Variants in DNM3 observed in about 807,000 individuals in gnomAD.
DNM3 encodes dynamin 3.
DNM3 carries 47 observed loss-of-function variants against 101.6 expected under a neutral mutation model. That is an observed-to-expected ratio of 0.46 (90% confidence interval 0.37 to 0.59). DNM3 has a LOEUF of 0.59. DNM3 is among the 20% of genes least tolerant of loss of function. The probability of loss-of-function intolerance (pLI) is 0.00; values close to 1 mark genes in which losing one functional copy is unlikely to be tolerated. For missense variants in DNM3, 849 were observed against 1,085.7 expected (o/e 0.78, Z 3.06); for synonymous variants, 385 against 387.9 (o/e 0.99, Z 0.09).
chr1:172,111,965 G>A (rs1050149239), intron 13 of DNM3, among the ~76,000 whole-genome samples: 1 of 152,134 alleles, frequency 6.6e-6, no homozygotes, highest in Non-Finnish European at 1.5e-5. Context: ...TGGAAGGATT[G>A]CCCAGAAACT....
intron 13 of DNM3, among the ~76,000 whole-genome samples, chr1:172,115,586 C>T (rs1439106141): frequency 1.3e-5 from 2 of 152,200 alleles, no homozygotes; most frequent in Non-Finnish European, 2.9e-5. Context: ...GGCTCCTCCC[C>T]CTCTCGCTCA....
intron 3 of DNM3, 79 bp downstream of exon 3, chr1:171,987,884 A>G (rs1371293612): frequency 1.5e-6 from 2 of 1,337,364 alleles, no homozygotes; most frequent in Non-Finnish European, 2.0e-6. Flanking sequence ...ATTTGTACAG[A>G]AGATACAAAT....
chr1:172,239,406 C>G (rs61807806), intron 14 of DNM3, among the ~76,000 whole-genome samples: 11,634 of 152,212 alleles, frequency 0.076, 569 homozygotes, highest in South Asian at 0.17. Context: ...TCCGAAGTCC[C>G]TGAATACACG....
intron 12 of DNM3, among the ~76,000 whole-genome samples, chr1:172,091,214 A>G (rs1289670917): frequency 1.3e-5 from 2 of 152,226 alleles, no homozygotes; most frequent in Non-Finnish European, 2.9e-5. Flanking sequence ...ACCATGTGCC[A>G]TGTCCTTTGC....
At chr1:172,251,357 A>G (rs1027760094) in intron 14 of DNM3, among the ~76,000 whole-genome samples, 3 of 17,480 alleles carry the variant, frequency 1.7e-4, no homozygotes, top group Non-Finnish European at 6.2e-4. Flanking sequence ...AGAAATATCC[A>G]TGATATACTT....
At chr1:172,162,500 TAGAA>T (rs761250670) in intron 14 of DNM3, among the ~76,000 whole-genome samples, 22 of 151,970 alleles carry the variant, frequency 1.4e-4, no homozygotes, top group African/African-American at 3.9e-4. Context: ...AGAAAAAAAA[TAGAA>T]AGAAAGAGAG....
rs181590788 is a variant in DNM3 at position 172,020,943 on chromosome 1, G to T, written c.590-11459G>T. 3.2e-3 allele frequency among the ~76,000 whole-genome samples: 481 copies of T among 152,230 alleles called. 3 individuals are homozygous for T. Among genetic ancestry groups the T allele is most frequent in the African/African-American group, 0.011 (454 of 41,546 alleles). ...GTTTAAGTTTTCCTGCCCCAGCATT[G>T]TTTTCCATGGAGGTTTCTGCTCTTG... On this transcript the variant is annotated intron_variant, in intron 4 of 20. Transcript: ENST00000627582.
At chr1:172,295,681 A>T (rs1395363619) in intron 15 of DNM3, among the ~76,000 whole-genome samples, 1 of 152,210 alleles carries the variant, frequency 6.6e-6, no homozygotes, top group Non-Finnish European at 1.5e-5. Flanking sequence ...GCATTTAAAA[A>T]CAGCAAATTG....
chr1:172,368,144 A>G (rs2068125210), intron 17 of DNM3, among the ~76,000 whole-genome samples: 1 of 151,938 alleles, frequency 6.6e-6, no homozygotes, highest in African/African-American at 2.4e-5. Context: ...CATTTACAGA[A>G]CATTCTATGC....
At chr1:172,139,980 T>C (rs1013195910) in intron 14 of DNM3, 3 of 151,956 alleles carry the variant, frequency 2.0e-5, no homozygotes, top group African/African-American at 7.2e-5. Flanking sequence ...TTCCAGTAAG[T>C]AGGACTTCTT....
intron 15 of DNM3, among the ~76,000 whole-genome samples, chr1:172,302,480 C>T (rs955587179): frequency 2.6e-5 from 4 of 152,250 alleles, no homozygotes; most frequent in African/African-American, 9.6e-5. Flanking sequence ...CTTCTGCAGA[C>T]TTAAATGTCC....
intron 1 of DNM3, among the ~76,000 whole-genome samples, chr1:171,845,230 G>T (rs1041008525): frequency 2.6e-5 from 4 of 152,112 alleles, no homozygotes; most frequent in African/African-American, 9.7e-5. Flanking sequence ...CTTCTGTCTT[G>T]CTCCCTATAT....
chr1:172,176,082 C>T (rs542528170), intron 14 of DNM3, among the ~76,000 whole-genome samples: 8 of 151,648 alleles, frequency 5.3e-5, no homozygotes, highest in African/African-American at 4.8e-5. Flanking sequence ...ACTTTGCACA[C>T]GTGATTTGTG....
intron 15 of DNM3, among the ~76,000 whole-genome samples, chr1:172,277,623 C>A (rs2148772606): frequency 6.6e-6 from 1 of 151,754 alleles, no homozygotes; most frequent in East Asian, 1.9e-4. Flanking sequence ...TAAAAAGTTG[C>A]CAGTCAATTG....
At chr1:172,364,977 C>CA (rs2067932716) in intron 17 of DNM3, among the ~76,000 whole-genome samples, 1 of 151,792 alleles carries the variant, frequency 6.6e-6, no homozygotes, top group Non-Finnish European at 1.5e-5. Flanking sequence ...AGTCCTGAGC[C>CA]AATTAAACCT....
intron 2 of DNM3, among the ~76,000 whole-genome samples, chr1:171,947,549 T>G (rs2042246251): frequency 6.6e-6 from 1 of 152,204 alleles, no homozygotes; most frequent in African/African-American, 2.4e-5. Flanking sequence ...TGAATTTACT[T>G]TTCAAGAGCT....
rs1338474145 is a variant in DNM3 at position 171,980,198 on chromosome 1, T to C, written c.236-7458T>C. 2.7e-5 allele frequency among the ~76,000 whole-genome samples: 4 copies of C among 150,606 alleles called. No individual in the cohort carries two copies. The East Asian group carries it at 7.7e-4, about 29-fold the overall frequency. On this transcript the variant is annotated intron_variant, in intron 2 of 20. Coordinates refer to ENST00000627582, the MANE Select transcript of DNM3 (RefSeq NM_015569.5). ...AGACTTTCCCTGTTTATTTTAGCAA[T>C]ACAGTTGAGTTCTGTTTTATATCTG...
In DNM3 at chr1:172,402,735, T is replaced by A. The variant is rs570708817; in HGVS notation, c.2523-5037T>A. Among the ~76,000 whole-genome samples the A allele has an allele frequency of 2.3e-4, 35 of 152,310 alleles. 1 individual carries two copies. Among genetic ancestry groups the A allele is most frequent in the African/African-American group, 8.2e-4 (34 of 41,580 alleles). On this transcript the variant is annotated intron_variant, in intron 20 of 20. Transcript: ENST00000627582. ...ACAACAACGACAACAAACACTGTAG[T>A]CCAGTATCTTGGTCTTTATAACATA...
chr1:172,118,212 T>C (rs1027756956), intron 13 of DNM3, among the ~76,000 whole-genome samples: 2 of 152,212 alleles, frequency 1.3e-5, no homozygotes, highest in Non-Finnish European at 1.5e-5. Flanking sequence ...AACATTAGTA[T>C]TTATGGTAGT....
Sources: allele counts gnomAD v4.1 joint callset (sites outside exome capture counted in the v4.1 genomes callset), GRCh38; gene constraint gnomAD v4.1.1; transcripts MANE v1.5; gene names NCBI Gene and HGNC (gene_info 2026-07-23, HGNC 2026-07-21).